NAV1: variants seen among roughly 807,000 people sequenced by gnomAD.
The protein encoded by NAV1 is pore membrane and/or filament interacting like protein 3.
NAV1 carries 18 observed loss-of-function variants against 175.2 expected under a neutral mutation model. The observed-to-expected ratio is 0.10, with a 90% CI of 0.07 to 0.15. The LOEUF (loss-of-function observed/expected upper bound fraction) is 0.15, where lower values mean the gene tolerates loss of function less well. Ranked by LOEUF, NAV1 falls within the 10% of genes least tolerant of loss-of-function variation. The pLI, the probability that NAV1 is intolerant of heterozygous loss-of-function variation, is 1.00. For missense variants in NAV1, 1,731 were observed against 2,436.6 expected, an observed-to-expected ratio of 0.71 and a Z score of 6.10; for synonymous variants, 897 against 978.7, an observed-to-expected ratio of 0.92 and a Z score of 1.56.
chr1:201,816,876 G>A (rs1016490923), intron 28 of NAV1: 24 of 538,882 alleles, frequency 4.5e-5, no homozygotes, highest in East Asian at 1.6e-4. Flanking sequence ...GTTTCACCAC[G>A]TTGGCCAGGC....
Position 201,767,325 on chromosome 1 carries a change from C to T in NAV1, c.1227-13096C>T, listed in dbSNP as rs373189231. Among the ~76,000 whole-genome samples, 4 of 151,786 alleles carry T rather than the reference C, an allele frequency of 2.6e-5. No homozygotes were observed. In the East Asian group the frequency reaches 8.0e-4, roughly 30 times the overall value. ...AATTAGCTGGGCATGGTGGTGGGCACCTGTAATCCCAGCTACTTGGGAGGC... is the reference window on the plus strand; with the variant it reads ...AATTAGCTGGGCATGGTGGTGGGCATCTGTAATCCCAGCTACTTGGGAGGC... On this transcript the variant is annotated intron_variant, in intron 3 of 29. Transcript: ENST00000367296.
At position 201,565,432 on chromosome 1, in the gene NAV1, C is replaced by T. The variant is rs190652109; in HGVS notation, c.-143-23107C>T. Among the ~76,000 whole-genome samples, 17 of 152,352 alleles carry T rather than the reference C, an allele frequency of 1.1e-4. No homozygotes were observed. In the East Asian group the frequency reaches 3.3e-3, roughly 29 times the overall value. ...AACTGACCCTGCTCTTGGCAGCTCA[C>T]ACTCCAGGCCGAGGAGGCACACAAA... On this transcript the variant is annotated intron_variant, in intron 1 of 33. Coordinates refer to the NAV1 transcript ENST00000685211.
chr1:201,627,376 G>A (rs1001997678), intron 1 of NAV1, among the ~76,000 whole-genome samples: 1 of 151,792 alleles, frequency 6.6e-6, no homozygotes, highest in African/African-American at 2.4e-5. Context: ...TGGTTCAAGC[G>A]ATCCTCCTGC....
intron 3 of NAV1, chr1:201,739,403 T>A (rs990273060): frequency 1.4e-4 from 21 of 152,394 alleles, no homozygotes; most frequent in African/African-American, 4.8e-4. Flanking sequence ...ACGGACCTTG[T>A]TTTAGGCAAT....
rs1471988464 is a variant in NAV1, at chr1:201,808,095, C to T, written c.3791C>T (p.Ala1264Val). The T allele has an allele frequency of 1.2e-6, 2 of 1,614,188 alleles. No individual in the cohort carries two copies. The highest frequency in any genetic ancestry group is 1.7e-5 in the Admixed American group (1 of 60,024). Reference sequence around the variant, plus strand: ...CTACAGCATGGTTCTACAGAGACTGCTTCACCCTCCATCAAGTCCTCCACC... The same window carrying T: ...CTACAGCATGGTTCTACAGAGACTGTTTCACCCTCCATCAAGTCCTCCACC... The change falls in exon 18 of 30, where the codon GCT becomes GTT. Residue 1264 changes from alanine to valine, a missense_variant. Ala to Val is a moderately conservative substitution (Grantham distance 64). This residue lies in a region of NAV1 where 146 missense variants were observed against 176.8 expected (regional missense o/e 0.83). Transcript: ENST00000367296. This position sits in a 1 kb window ranked among gnomAD's most constrained non-coding sequence, Gnocchi z 5.5.
chr1:201,745,662 C>G (rs1283099374), intron 3 of NAV1, among the ~76,000 whole-genome samples: 5 of 152,172 alleles, frequency 3.3e-5, no homozygotes, highest in African/African-American at 1.2e-4. Context: ...GAAATTCAAA[C>G]CCAGCTCTGG....
chr1:201,820,853 A>G lies in NAV1; in HGVS notation c.*921A>G, dbSNP rs542836002. On this transcript the variant is annotated 3_prime_UTR_variant, in exon 30 of 30. Transcript: ENST00000367296. ...TTTTTCCGTTTTTCCATTTCCTCAC[A>G]TGTCCACGAGATGCTTGGGTTGCTT... 4 of 141,724 alleles carry G rather than the reference A, an allele frequency of 2.8e-5. No individual in the cohort carries two copies. The South Asian group carries it at 8.7e-4, about 31-fold the overall frequency. The allele number at this position is 141,724 out of a possible 1,614,324, so 8.8% of individuals were successfully genotyped here.
In NAV1 at chr1:201,784,570, T is replaced by A. The variant is rs1368720214; in HGVS notation, c.2804+718T>A. On this transcript the variant is annotated intron_variant, in intron 7 of 29. Transcript: ENST00000367296. ...TTTTTACCTACCATAATACGATCTA[T>A]TTTTTTTTTTTTTTTGAGATGGGGT... Among the ~76,000 whole-genome samples, 41 of 36,100 alleles carry A rather than the reference T, an allele frequency of 1.1e-3. 1 individual carries two copies. The highest frequency in any genetic ancestry group is 1.4e-3 in the Non-Finnish European group (21 of 14,732). The allele number at this position is 36,100 out of a possible 152,430, so 23.7% of individuals were successfully genotyped here.
chr1:201,602,410 C>T (rs1183315369), intron 2 of NAV1, among the ~76,000 whole-genome samples: 12 of 152,136 alleles, frequency 7.9e-5, no homozygotes, highest in African/African-American at 1.4e-4. Context: ...GGCGCGGTCT[C>T]GGCTCACTGG....
chr1:201,629,034 T>G (rs1192319335), intron 1 of NAV1, among the ~76,000 whole-genome samples: 1 of 152,208 alleles, frequency 6.6e-6, no homozygotes, highest in Non-Finnish European at 1.5e-5. Flanking sequence ...ACATACATGC[T>G]CATCCTGAGG....
chr1:201,648,271 G>C (rs1187677219), exon 1 of NAV1: 2 of 1,058,036 alleles, frequency 1.9e-6, no homozygotes, highest in Middle Eastern at 8.5e-4. Flanking sequence ...AGGCAGGCAG[G>C]CCGCGGGCTG....
upstream of NAV1, among the ~76,000 whole-genome samples, chr1:201,621,861 AATCT>A (rs1401973835): frequency 6.6e-6 from 1 of 152,208 alleles, no homozygotes; most frequent in African/African-American, 2.4e-5. Context: ...TTAACTCTTT[AATCT>A]ATCTGGAATT....
At chr1:201,667,925 G>A (rs1043357307) in intron 1 of NAV1, among the ~76,000 whole-genome samples, 1 of 152,150 alleles carries the variant, frequency 6.6e-6, no homozygotes, top group Non-Finnish European at 1.5e-5. Flanking sequence ...CCAGGGTGGA[G>A]GCCCTCACCA....
chr1:201,588,429 C>G (rs1571834433), intron 1 of NAV1, among the ~76,000 whole-genome samples, 110 bp from the exon 2 acceptor site: 2 of 152,244 alleles, frequency 1.3e-5, no homozygotes, highest in South Asian at 4.1e-4. Context: ...CTCACTGCAG[C>G]CTCAAACTCC....
chr1:201,635,848 T>C (rs1295552512), intron 2 of NAV1, among the ~76,000 whole-genome samples: 1 of 152,190 alleles, frequency 6.6e-6, no homozygotes, highest in African/African-American at 2.4e-5. Context: ...CTATGAGCCA[T>C]GGACAGGTTC....
intron 2 of NAV1, among the ~76,000 whole-genome samples, chr1:201,602,943 A>G (rs483489): frequency 0.86 from 131,549 of 152,144 alleles, 57,340 homozygotes; most frequent in African/African-American, 0.96. Flanking sequence ...TGGAAAAGTC[A>G]GCTTCAAAAC....
At chr1:201,784,359 T>C (rs1406816602) in intron 7 of NAV1, among the ~76,000 whole-genome samples, 3 of 152,172 alleles carry the variant, frequency 2.0e-5, no homozygotes, top group African/African-American at 4.8e-5. Flanking sequence ...GGTTTCACCA[T>C]GTTGGCCAGG....
At chr1:201,596,390 A>G (rs1667349387) in intron 2 of NAV1, among the ~76,000 whole-genome samples, 1 of 152,218 alleles carries the variant, frequency 6.6e-6, no homozygotes, top group East Asian at 1.9e-4. Flanking sequence ...AGGTTAGCTC[A>G]AGTTAGCCCA....
intron 1 of NAV1, among the ~76,000 whole-genome samples, chr1:201,659,193 G>A (rs1669516733): frequency 1.3e-5 from 2 of 152,210 alleles, no homozygotes; most frequent in Admixed American, 6.5e-5. Flanking sequence ...TCAACTGCAC[G>A]CTATTCAGTG....
Sources: gnomAD v4.1 joint callset for allele counts (sites outside exome capture counted in the v4.1 genomes callset) on GRCh38, gnomAD v4.1.1 for gene constraint, gnomAD v4.1.1 regional missense constraint, Gnocchi (gnomAD v3.1) non-coding constraint, MANE v1.5 for transcripts, NCBI Gene and HGNC (gene_info 2026-07-23, HGNC 2026-07-21) for gene names.